IDE: variants seen among roughly 807,000 people sequenced by gnomAD.
IDE encodes insulin degrading enzyme.
A neutral mutation model predicts 133.2 loss-of-function variants in IDE; 58 were observed. The observed-to-expected ratio is 0.44, with a 90% CI of 0.35 to 0.54. IDE has a LOEUF of 0.54. Ranked by LOEUF, IDE falls within the 20% of genes least tolerant of loss-of-function variation. IDE has a pLI of 0.00. For missense variants in IDE, 981 were observed against 1,234.0 expected (o/e 0.79, Z 3.07); for synonymous variants, 396 against 421.3 (o/e 0.94, Z 0.73).
chr10:92,504,758 T>G (rs1848202281), intron 11 of IDE, 36 bp downstream of exon 11: 2 of 1,037,598 alleles, frequency 1.9e-6, no homozygotes, highest in African/African-American at 1.6e-5. Context: ...TATTGAAAAT[T>G]TAGTGTATAA....
rs192759162 is a variant in IDE, at chr10:92,494,279, G to C, written c.1431-3684C>G. 4.0e-5 allele frequency among the ~76,000 whole-genome samples: 6 copies of C among 149,336 alleles called. 1 individual carries two copies. Among genetic ancestry groups the C allele is most frequent in the Admixed American group, 4.0e-4 (6 of 14,960 alleles). On this transcript the variant is annotated intron_variant, in intron 11 of 24. Transcript: ENST00000265986. ...AATGAGGTCTCACCACGTTGCCCAG[G>C]CTGGTCTCAAACTCCTGAGCTCAAA... is the stretch of plus-strand genomic sequence containing the variant.
At chr10:92,489,153 A>T (rs940640410) in intron 12 of IDE, among the ~76,000 whole-genome samples, 8 of 152,166 alleles carry the variant, frequency 5.3e-5, no homozygotes, top group African/African-American at 1.9e-4. Context: ...GACGTTGGCC[A>T]TATTTCTTAA....
intron 5 of IDE, among the ~76,000 whole-genome samples, chr10:92,514,162 T>A (rs986560936): frequency 6.6e-6 from 1 of 152,156 alleles, no homozygotes; most frequent in Non-Finnish European, 1.5e-5. Context: ...TCTTTACTTT[T>A]AAGACTGATA....
intron 11 of IDE, among the ~76,000 whole-genome samples, chr10:92,503,823 A>G (rs1848156784): frequency 6.6e-6 from 1 of 150,954 alleles, no homozygotes; most frequent in Non-Finnish European, 1.5e-5. Flanking sequence ...GGTTCAAGCG[A>G]TTCTCCTGTT....
intron 11 of IDE, among the ~76,000 whole-genome samples, chr10:92,492,057 G>A (rs1288083099): frequency 2.6e-5 from 4 of 152,044 alleles, no homozygotes; most frequent in Non-Finnish European, 5.9e-5. Context: ...TCAAGAGATC[G>A]AGATCATCCT....
Position 92,537,434 on chromosome 10 carries a change from C to T in IDE, c.215G>A (p.Gly72Asp). Reference sequence around the variant, plus strand: ...ATCACTGATAAGAAGTACTTTGATACCATTGGCCAGCTCTAGCCCTCGATA... The same window carrying T: ...ATCACTGATAAGAAGTACTTTGATATCATTGGCCAGCTCTAGCCCTCGATA... ...REYRGLELAN[G>D]IKVLLISDPT... The change falls in exon 2 of 25, where the codon GGT (glycine) becomes GAT (aspartate). Residue 72 changes from glycine to aspartate, a missense_variant. Gly to Asp is a moderately conservative substitution (Grantham distance 94). Transcript: ENST00000265986. 1 of 1,614,074 alleles carries T rather than the reference C, an allele frequency of 6.2e-7. No homozygotes were observed. The highest frequency in any genetic ancestry group is 1.3e-5 in the African/African-American group (1 of 75,048).
chr10:92,513,368 T>A (rs187468689), intron 5 of IDE, among the ~76,000 whole-genome samples: 1 of 152,194 alleles, frequency 6.6e-6, no homozygotes, highest in Non-Finnish European at 1.5e-5. Context: ...AATTTTTATA[T>A]TTTTAGTAGA....
In IDE at chr10:92,506,472, G is replaced by C; in HGVS notation, c.1296C>G (p.Gly432=). Residue 432 remains glycine (G), a synonymous_variant, in exon 10 of 25, where the codon GGC becomes GGG. Transcript: ENST00000265986. Reference sequence around the variant, plus strand: ...ATATTCCTGCAATCTTAGATGTATAGCCCCGTGGCCTCTCTTTGTCTTTAA... The same window carrying C: ...ATATTCCTGCAATCTTAGATGTATACCCCCGTGGCCTCTCTTTGTCTTTAA... ...FRFKDKERPR[G]YTSKIAGILH... is the part of the protein sequence containing the mutation. The C allele has an allele frequency of 6.3e-7, 1 of 1,590,496 alleles. No individual in the cohort carries two copies. The highest frequency in any genetic ancestry group is 2.2e-5 in the East Asian group (1 of 44,534).
At chr10:92,503,945 C>T (rs1288777979) in intron 11 of IDE, among the ~76,000 whole-genome samples, 106 of 151,892 alleles carry the variant, frequency 7.0e-4, no homozygotes, top group East Asian at 3.9e-4. Context: ...CTCGAACTCC[C>T]GACCTCAGCT....
rs1214378805 is a variant in IDE at position 92,453,170 on chromosome 10, C to T, written c.*1274G>A. The T allele has an allele frequency of 2.0e-5, 3 of 152,052 alleles. No homozygotes were observed. The highest frequency in any genetic ancestry group is 2.0e-4 in the Admixed American group (3 of 15,252). The allele number at this position is 152,052 out of a possible 1,614,324, so 9.4% of individuals were successfully genotyped here. The stretch of plus-strand genomic sequence containing the variant: ...ACAGGGCCACTTACTGTTACTAGTG[C>T]TTGTATATGGAAATATATTCACAAT... On this transcript the variant is annotated 3_prime_UTR_variant, in exon 25 of 25. Coordinates refer to ENST00000265986, the MANE Select transcript of IDE (RefSeq NM_004969.4).
intron 22 of IDE, among the ~76,000 whole-genome samples, chr10:92,457,560 G>A (rs1845098651): frequency 6.6e-6 from 1 of 151,978 alleles, no homozygotes; most frequent in Admixed American, 6.6e-5. Flanking sequence ...TGGATCCTGT[G>A]GGGAAGTATG....
chr10:92,476,878 C>T (rs1451204487), intron 15 of IDE, among the ~76,000 whole-genome samples: 9 of 152,110 alleles, frequency 5.9e-5, no homozygotes, highest in South Asian at 4.1e-4. Flanking sequence ...ACGTACAAGT[C>T]GTCCCAGCTA....
At chr10:92,498,987 G>A (rs573859317) in intron 11 of IDE, among the ~76,000 whole-genome samples, 76 of 152,236 alleles carry the variant, frequency 5.0e-4, no homozygotes, top group Admixed American at 1.2e-3. Context: ...GGAAATATAG[G>A]TACACTGAGG....
chr10:92,511,165 A>G (rs1235331545), intron 5 of IDE, among the ~76,000 whole-genome samples: 8 of 150,484 alleles, frequency 5.3e-5, no homozygotes, highest in Admixed American at 4.6e-4. Context: ...GCAGTGGCAC[A>G]ATCCCAGCTA....
chr10:92,537,499 T>C lies in IDE; in HGVS notation c.150A>G (p.Ile50Met). The C allele has an allele frequency of 6.2e-7, 1 of 1,613,438 alleles. No individual in the cohort carries two copies. Among genetic ancestry groups the C allele is most frequent in the Non-Finnish European group, 8.5e-7 (1 of 1,179,708 alleles). Reference sequence around the variant, plus strand: ...CAGGAGACTTGGTAATGTGATTTCCTATTCTCTTGATGGCTGGATTATTCA... The same window carrying C: ...CAGGAGACTTGGTAATGTGATTTCCCATTCTCTTGATGGCTGGATTATTCA... ...SKMNNPAIKR[I>M]GNHITKSPED... The change falls in exon 2 of 25, where the codon ATA (isoleucine) becomes ATG (methionine). Residue 50 changes from isoleucine to methionine, a missense_variant. Around this residue, in one of 2 missense-constraint regions of IDE, gnomAD observed 321 missense variants for 339.3 expected, o/e 0.95. Coordinates refer to ENST00000265986, the MANE Select transcript of IDE (RefSeq NM_004969.4).
chr10:92,572,271 G>C (rs938121773), intron 1 of IDE, among the ~76,000 whole-genome samples: 8 of 152,152 alleles, frequency 5.3e-5, no homozygotes, highest in Admixed American at 2.6e-4. Flanking sequence ...AATGAATTTA[G>C]AACAAAAGCA....
intron 1 of IDE, chr10:92,541,362 C>T (rs770155985): frequency 4.3e-6 from 2 of 470,128 alleles, no homozygotes; most frequent in Admixed American, 2.4e-5. Context: ...TCATCAACAG[C>T]TTGCCTGTCT....
intron 1 of IDE, chr10:92,572,850 C>G (rs1194724934): frequency 4.1e-6 from 4 of 970,876 alleles, no homozygotes; most frequent in Non-Finnish European, 4.9e-6. Context: ...AGCCAGCCTA[C>G]CCCCCCATCT....
intron 1 of IDE, among the ~76,000 whole-genome samples, chr10:92,545,002 A>C (rs1750210828): frequency 6.6e-6 from 1 of 152,214 alleles, no homozygotes; most frequent in Non-Finnish European, 1.5e-5. Context: ...AATCATAATC[A>C]TCTTGGTAGC....
Sources: allele counts gnomAD v4.1 joint callset (sites outside exome capture counted in the v4.1 genomes callset), GRCh38; gene constraint gnomAD v4.1.1; regional missense constraint gnomAD v4.1.1; transcripts MANE v1.5; gene names NCBI Gene and HGNC (gene_info 2026-07-23, HGNC 2026-07-21).